The following ANK3 variants were observed in gnomAD, a reference collection of about 807,000 sequenced individuals.
The protein encoded by ANK3 is ankyrin-3.
ANK3 carries 57 observed loss-of-function variants against 370.9 expected under a neutral mutation model. The observed-to-expected ratio is 0.15, with a 90% confidence interval of 0.12 to 0.19. The LOEUF (loss-of-function observed/expected upper bound fraction) is 0.19. Among genes scored for constraint, ANK3 ranks in the 10% least tolerant of loss-of-function variants. The pLI is 1.00. For missense variants in ANK3, 4,439 were observed against 5,302.1 expected (o/e 0.84, Z 5.06); for synonymous variants, 1,929 against 1,946.3 (o/e 0.99, Z 0.23).
At chr10:60,205,645 A>G (rs1232098409) in intron 11 of ANK3, 147 bp downstream of exon 11, 1 of 607,214 alleles carries the variant, frequency 1.6e-6, no homozygotes, top group African/African-American at 1.8e-5. Context: ...AGGGACTGGC[A>G]GCCCTCTTCC....
intron 1 of ANK3, among the ~76,000 whole-genome samples, chr10:60,653,545 A>G (rs2078821104): frequency 1.3e-5 from 2 of 152,068 alleles, no homozygotes; most frequent in South Asian, 4.1e-4. Context: ...CTTTATAGTA[A>G]TCAGGTAATG....
At chr10:60,098,365 T>C (rs986483585) in intron 28 of ANK3, among the ~76,000 whole-genome samples, 2 of 152,022 alleles carry the variant, frequency 1.3e-5, no homozygotes, top group African/African-American at 4.8e-5. Context: ...TTAAAGAAAA[T>C]CACCAATTAC....
At chr10:60,121,899 C>T (rs1366444951) in intron 25 of ANK3, among the ~76,000 whole-genome samples, 3 of 152,092 alleles carry the variant, frequency 2.0e-5, no homozygotes, top group African/African-American at 4.8e-5. Flanking sequence ...TATCTCATGT[C>T]ACCCATAAAT....
At chr10:60,401,706 T>C (rs532327386) in intron 2 of ANK3, among the ~76,000 whole-genome samples, 60 of 152,370 alleles carry the variant, frequency 3.9e-4, no homozygotes, top group African/African-American at 1.4e-3. Flanking sequence ...AAAGGTTGTA[T>C]AATATTCCAT....
chr10:60,720,251 C>T (rs941842686), intron 1 of ANK3, among the ~76,000 whole-genome samples: 2 of 152,088 alleles, frequency 1.3e-5, no homozygotes, highest in African/African-American at 4.8e-5. Context: ...TAGCTATGTG[C>T]GAGACACTGT....
At chr10:60,530,468 C>A (rs2133199201) in intron 2 of ANK3, among the ~76,000 whole-genome samples, 1 of 139,910 alleles carries the variant, frequency 7.1e-6, no homozygotes, top group African/African-American at 2.5e-5. Context: ...AAAAAAAAAC[C>A]CTATGATATA....
At chr10:60,226,585 AT>A (rs570486953) in intron 8 of ANK3, among the ~76,000 whole-genome samples, 2 of 84,888 alleles carry the variant, frequency 2.4e-5, no homozygotes, top group Non-Finnish European at 4.1e-5. Context: ...TATATATACT[AT>A]GTATATATAC....
intron 23 of ANK3, among the ~76,000 whole-genome samples, chr10:60,150,049 A>G (rs964207497): frequency 2.0e-5 from 3 of 152,130 alleles, no homozygotes; most frequent in Non-Finnish European, 4.4e-5. Flanking sequence ...GCTTTCTAGG[A>G]AAGTTCCTCC....
intron 1 of ANK3, among the ~76,000 whole-genome samples, chr10:60,293,501 G>T (rs994848076): frequency 6.6e-5 from 10 of 152,192 alleles, no homozygotes; most frequent in African/African-American, 2.2e-4. Context: ...CTATCAAATA[G>T]ATAGAAAACT....
intron 2 of ANK3, among the ~76,000 whole-genome samples, chr10:60,453,707 CCTCT>C (rs763956503): frequency 7.9e-5 from 12 of 151,882 alleles, no homozygotes; most frequent in Non-Finnish European, 1.3e-4. Flanking sequence ...TAGGAAACAG[CCTCT>C]CTCTCTAAAC....
chr10:60,095,012 C>T (rs766047261), intron 28 of ANK3, among the ~76,000 whole-genome samples: 4 of 152,210 alleles, frequency 2.6e-5, no homozygotes, highest in Non-Finnish European at 5.9e-5. Flanking sequence ...TGGAGAGAGG[C>T]CCCAAGGGGG....
intron 7 of ANK3, among the ~76,000 whole-genome samples, chr10:60,249,774 C>A (rs952733868): frequency 6.6e-6 from 1 of 152,148 alleles, no homozygotes; most frequent in Non-Finnish European, 1.5e-5. Context: ...TGGCCGATAC[C>A]CCATCCTCAA....
At chr10:60,507,133 C>T (rs192952812) in intron 2 of ANK3, among the ~76,000 whole-genome samples, 3 of 152,098 alleles carry the variant, frequency 2.0e-5, no homozygotes, top group South Asian at 2.1e-4. Context: ...AACATCACAT[C>T]GTGCCTTCTA....
At chr10:60,090,506 G>C (rs74321383) in intron 28 of ANK3, among the ~76,000 whole-genome samples, 2 of 152,062 alleles carry the variant, frequency 1.3e-5, no homozygotes, top group African/African-American at 2.4e-5. Context: ...GCAAAAAGTA[G>C]ACTGGAAAAA....
intron 2 of ANK3, among the ~76,000 whole-genome samples, chr10:60,491,262 G>A (rs1003525517): frequency 1.3e-5 from 2 of 152,148 alleles, no homozygotes; most frequent in African/African-American, 4.8e-5. Context: ...TTTGTAGAAT[G>A]ACTTGTGTTT....
At chr10:60,344,387 T>C (rs1371277816) in intron 1 of ANK3, among the ~76,000 whole-genome samples, 1 of 152,216 alleles carries the variant, frequency 6.6e-6, no homozygotes, top group Non-Finnish European at 1.5e-5. Flanking sequence ...ATAATATAGT[T>C]ACTAATCCAG....
intron 2 of ANK3, among the ~76,000 whole-genome samples, chr10:60,535,263 C>G (rs1248719628): frequency 6.6e-6 from 1 of 151,922 alleles, no homozygotes; most frequent in Non-Finnish European, 1.5e-5. Flanking sequence ...AGAAATGAAA[C>G]CAATATACTA....
At chr10:60,247,182 A>T (rs1042661060) in intron 7 of ANK3, among the ~76,000 whole-genome samples, 2 of 151,726 alleles carry the variant, frequency 1.3e-5, no homozygotes, top group African/African-American at 2.4e-5. Context: ...CGCCCAGCTA[A>T]TTTTTTTGTA....
intron 2 of ANK3, among the ~76,000 whole-genome samples, chr10:60,502,856 A>G (rs2075839704): frequency 6.7e-6 from 1 of 149,944 alleles, no homozygotes; most frequent in Admixed American, 6.7e-5. Flanking sequence ...GGGAGGAAGG[A>G]AAAGAAAAAG....
Sources: gnomAD v4.1 joint callset for allele counts (sites outside exome capture counted in the v4.1 genomes callset) on GRCh38, gnomAD v4.1.1 for gene constraint, MANE v1.5 for transcripts, NCBI Gene and HGNC (gene_info 2026-07-23, HGNC 2026-07-21) for gene names.